AGMO: variants seen among roughly 807,000 people sequenced by gnomAD.
AGMO encodes alkylglycerol monooxygenase.
A neutral mutation model predicts 60.2 loss-of-function variants in AGMO; 75 were observed. That is an observed-to-expected ratio of 1.25 (90% confidence interval 1.03 to 1.51). The LOEUF is 1.51. Among genes scored for constraint, AGMO ranks in the 40% most tolerant of loss-of-function variants. The pLI is 0.00. For missense variants in AGMO, 763 were observed against 525.5 expected, an observed-to-expected ratio of 1.45 and a Z score of -4.42; for synonymous variants, 261 against 177.1, an observed-to-expected ratio of 1.47 and a Z score of -3.76.
intron 12 of AGMO, among the ~76,000 whole-genome samples, chr7:15,266,845 A>G (rs772792513): frequency 6.6e-5 from 10 of 151,918 alleles, no homozygotes; most frequent in Admixed American, 2.0e-4. Flanking sequence ...TTCAGATGAC[A>G]TCACCTAATA....
At chr7:15,520,490 C>A (rs532621292) in intron 3 of AGMO, among the ~76,000 whole-genome samples, 1 of 152,244 alleles carries the variant, frequency 6.6e-6, no homozygotes, top group African/African-American at 2.4e-5. Flanking sequence ...GAAATCATAA[C>A]AAACAGTCTC....
downstream of AGMO, among the ~76,000 whole-genome samples, chr7:15,198,006 T>G (rs28532162): frequency 0.14 from 21,971 of 152,140 alleles, 1,788 homozygotes; most frequent in South Asian, 0.29. Flanking sequence ...TAACAGCTCC[T>G]AACAGGATTG....
At chr7:15,175,925 A>G in the AGMO span, among the ~76,000 whole-genome samples, 6 of 152,056 alleles carry the variant, frequency 3.9e-5, no homozygotes, top group African/African-American at 1.4e-4. Context: ...GTTTTACTAA[A>G]CTTTAATATG....
At chr7:15,364,027 A>G (rs1182338860) in intron 12 of AGMO, among the ~76,000 whole-genome samples, 1 of 152,036 alleles carries the variant, frequency 6.6e-6, no homozygotes, top group Non-Finnish European at 1.5e-5. Flanking sequence ...CAAAATGAAC[A>G]TACACATTAA....
At chr7:15,271,169 T>C (rs1011708674) in intron 12 of AGMO, among the ~76,000 whole-genome samples, 1 of 152,176 alleles carries the variant, frequency 6.6e-6, no homozygotes, top group Non-Finnish European at 1.5e-5. Context: ...TTGGGTTCCA[T>C]ATGAAATTTA....
At chr7:15,164,168 A>G in the AGMO span, among the ~76,000 whole-genome samples, 1 of 152,146 alleles carries the variant, frequency 6.6e-6, no homozygotes, top group Non-Finnish European at 1.5e-5. Context: ...TATTCAATGA[A>G]TGGTGCTGGG....
intron 3 of AGMO, among the ~76,000 whole-genome samples, chr7:15,464,565 T>A (rs988569165): frequency 2.0e-5 from 3 of 152,176 alleles, no homozygotes; most frequent in Non-Finnish European, 4.4e-5. Context: ...CTGGCCACAT[T>A]AGTTTCAAAA....
At chr7:15,558,370 C>T (rs1055437687) in intron 2 of AGMO, among the ~76,000 whole-genome samples, 2 of 151,908 alleles carry the variant, frequency 1.3e-5, no homozygotes, top group African/African-American at 2.4e-5. Flanking sequence ...TATTGGGTGA[C>T]GTTTATAGTT....
chr7:15,184,874 AGG>A, the AGMO span, among the ~76,000 whole-genome samples: 1 of 79,386 alleles, frequency 1.3e-5, no homozygotes, highest in Non-Finnish European at 2.6e-5. Context: ...GAGGGAGGGA[AGG>A]AAGGAAGGAA....
At chr7:15,543,248 C>T (rs140139843) in intron 3 of AGMO, among the ~76,000 whole-genome samples, 163 of 152,242 alleles carry the variant, frequency 1.1e-3, no homozygotes, top group Admixed American at 4.2e-3. Flanking sequence ...CTTTGGCATG[C>T]TTTTTTCTCC....
chr7:15,394,060 A>C (rs531224100), intron 6 of AGMO, 53 bp downstream of exon 6: 1 of 1,330,164 alleles, frequency 7.5e-7, no homozygotes, highest in Admixed American at 1.7e-5. Context: ...GGAAAATAAT[A>C]ATGCAATTTT....
chr7:15,549,354 T>A (rs967675683), intron 2 of AGMO, among the ~76,000 whole-genome samples: 5 of 151,960 alleles, frequency 3.3e-5, no homozygotes, highest in Non-Finnish European at 5.9e-5. Context: ...ATGCTCCAGT[T>A]AAAAGACACA....
At chr7:15,356,564 A>C (rs1782537479) in intron 12 of AGMO, among the ~76,000 whole-genome samples, 1 of 152,112 alleles carries the variant, frequency 6.6e-6, no homozygotes, top group African/African-American at 2.4e-5. Flanking sequence ...TGGAAATGAT[A>C]AGCACAAAGT....
At chr7:15,262,891 A>G (rs1245153086) in intron 12 of AGMO, among the ~76,000 whole-genome samples, 1 of 152,126 alleles carries the variant, frequency 6.6e-6, no homozygotes, top group Non-Finnish European at 1.5e-5. Flanking sequence ...TAGAAGAATG[A>G]AACTGGATCC....
chr7:15,422,949 G>A (rs947675380), intron 4 of AGMO, among the ~76,000 whole-genome samples: 7 of 152,280 alleles, frequency 4.6e-5, no homozygotes, highest in South Asian at 4.1e-4. Context: ...TAAGTAAAGT[G>A]AGGAGGCAAT....
intron 3 of AGMO, among the ~76,000 whole-genome samples, chr7:15,455,087 A>T (rs1034170857): frequency 8.0e-5 from 11 of 138,122 alleles, no homozygotes; most frequent in Non-Finnish European, 1.1e-4. Flanking sequence ...TTTCTCACAC[A>T]CACACACACA....
intron 12 of AGMO, among the ~76,000 whole-genome samples, chr7:15,219,363 A>T (rs556252941): frequency 6.6e-6 from 1 of 152,264 alleles, no homozygotes; most frequent in South Asian, 2.1e-4. Flanking sequence ...TTATGAATGG[A>T]TGATTGCATG....
intron 12 of AGMO, among the ~76,000 whole-genome samples, chr7:15,227,091 T>G (rs1157866974): frequency 6.6e-6 from 1 of 152,070 alleles, no homozygotes; most frequent in Non-Finnish European, 1.5e-5. Flanking sequence ...TCGATTTTAT[T>G]GTTTTTTTCT....
At chr7:15,490,368 C>T (rs533149827) in intron 3 of AGMO, among the ~76,000 whole-genome samples, 1 of 151,738 alleles carries the variant, frequency 6.6e-6, no homozygotes, top group Non-Finnish European at 1.5e-5. Context: ...CTAAAGAAAT[C>T]CTCAATATTT....
Sources: gnomAD v4.1 joint callset for allele counts (sites outside exome capture counted in the v4.1 genomes callset) on GRCh38, gnomAD v4.1.1 for gene constraint, MANE v1.5 for transcripts, NCBI Gene and HGNC (gene_info 2026-07-23, HGNC 2026-07-21) for gene names.